Variants in CLSTN1 observed in about 807,000 individuals in gnomAD.
CLSTN1 encodes calsyntenin 1.
In CLSTN1, 28 loss-of-function variants were observed where a neutral mutation model predicts 108.3. That is an observed-to-expected ratio of 0.26 (90% CI 0.19 to 0.35). The LOEUF (loss-of-function observed/expected upper bound fraction) is 0.35. Among genes scored for constraint, CLSTN1 ranks in the 10% least tolerant of loss-of-function variants. The probability of loss-of-function intolerance (pLI) is 1.00; values close to 1 mark genes in which losing one functional copy is unlikely to be tolerated. For missense variants in CLSTN1, 1,157 were observed against 1,302.6 expected (o/e 0.89, Z 1.72); for synonymous variants, 524 against 534.9 (o/e 0.98, Z 0.28).
At chr1:9,781,905 G>A (rs1198031778) in intron 1 of CLSTN1, among the ~76,000 whole-genome samples, 1 of 152,160 alleles carries the variant, frequency 6.6e-6, no homozygotes, top group Non-Finnish European at 1.5e-5. Flanking sequence ...TGTAGTAGTT[G>A]TGACTTGTTG....
rs1557687865 is a variant in CLSTN1 at position 9,731,378 on chromosome 1, G to A, written c.2576C>T (p.Thr859Ile). 2 of 1,614,102 alleles carry A rather than the reference G, an allele frequency of 1.2e-6. No homozygotes were observed. The highest frequency in any genetic ancestry group is 1.7e-6 in the Non-Finnish European group (2 of 1,179,932). ...NPHPFAVVPS[T>I]ATVVIVVCVS... is the part of the protein sequence containing the mutation. The stretch of plus-strand genomic sequence containing the variant: ...GCACACCACGATCACAACTGTCGCA[G>A]TGCTGGGGACGACTGTGGGAGAATG... The change falls in exon 18 of 19, where the codon ACT becomes ATT. Residue 859 changes from threonine to isoleucine, a missense_variant. Transcript: ENST00000377298.
At chr1:9,803,281 T>C (rs1409809381) in intron 1 of CLSTN1, among the ~76,000 whole-genome samples, 2 of 152,072 alleles carry the variant, frequency 1.3e-5, no homozygotes, top group Non-Finnish European at 2.9e-5. Flanking sequence ...TTATGGGATA[T>C]AGTCTAGGCA....
At chr1:9,771,917 T>C (rs1021244756) in intron 2 of CLSTN1, among the ~76,000 whole-genome samples, 2 of 151,958 alleles carry the variant, frequency 1.3e-5, no homozygotes, top group Admixed American at 1.3e-4. Flanking sequence ...ATAGTAAAAT[T>C]AACATATGTT....
At chr1:9,776,592 C>A (rs1360746996) in intron 1 of CLSTN1, among the ~76,000 whole-genome samples, 1 of 152,088 alleles carries the variant, frequency 6.6e-6, no homozygotes, top group African/African-American at 2.4e-5. Flanking sequence ...TGAAAGGTCA[C>A]AAAAGCCAAG....
At position 9,823,096 on chromosome 1, in the gene CLSTN1, C is replaced by T. The variant is rs1655250592; in HGVS notation, c.91+547G>A. 6.6e-6 allele frequency among the ~76,000 whole-genome samples: 1 copy of T among 152,174 alleles called. No individual in the cohort carries two copies. Among genetic ancestry groups the T allele is most frequent in the Non-Finnish European group, 1.5e-5 (1 of 68,032 alleles). ...CGGAAAGGGGCGAAGTCGTGGTGTC[C>T]GCGGTGCAGCAACACAGAATCGGGA... is the stretch of plus-strand genomic sequence containing the variant. On this transcript the variant is annotated intron_variant, in intron 1 of 18. Transcript: ENST00000377298. The surrounding 1 kb of genome is among the most constrained non-coding windows in gnomAD (Gnocchi z 6.3).
At chr1:9,761,763 G>C (rs182833363) in intron 2 of CLSTN1, among the ~76,000 whole-genome samples, 1 of 152,142 alleles carries the variant, frequency 6.6e-6, no homozygotes, top group Non-Finnish European at 1.5e-5. Context: ...AGCTCTCAGG[G>C]GACCCTGCCC....
chr1:9,820,963 G>C (rs1049223715), intron 1 of CLSTN1, among the ~76,000 whole-genome samples: 8 of 152,212 alleles, frequency 5.3e-5, no homozygotes, highest in African/African-American at 1.9e-4. Context: ...TGAATTTTAT[G>C]TATTAAGTGG....
intron 9 of CLSTN1, among the ~76,000 whole-genome samples, chr1:9,743,203 T>C (rs1019199369): frequency 4.6e-5 from 7 of 152,212 alleles, no homozygotes; most frequent in Admixed American, 1.3e-4. Context: ...AATTTTACAG[T>C]GCTCTCTCGT....
At chr1:9,760,647 G>C (rs1455585234) in intron 2 of CLSTN1, among the ~76,000 whole-genome samples, 2 of 148,376 alleles carry the variant, frequency 1.3e-5, no homozygotes, top group South Asian at 2.2e-4. Flanking sequence ...AGCCTCCCGA[G>C]TAGCTCAGAC....
At chr1:9,812,702 C>T (rs1437921353) in intron 1 of CLSTN1, among the ~76,000 whole-genome samples, 5 of 151,768 alleles carry the variant, frequency 3.3e-5, no homozygotes, top group South Asian at 2.1e-4. Flanking sequence ...CAAAATTAGC[C>T]GGGCCAGTTG....
chr1:9,806,994 G>A (rs923604308), intron 1 of CLSTN1, among the ~76,000 whole-genome samples: 1 of 151,766 alleles, frequency 6.6e-6, no homozygotes, highest in African/African-American at 2.4e-5. Context: ...GTGTTTTCTT[G>A]TTCTACAGTA....
intron 1 of CLSTN1, among the ~76,000 whole-genome samples, chr1:9,819,370 G>A (rs1201100041): frequency 2.0e-5 from 3 of 151,918 alleles, no homozygotes; most frequent in African/African-American, 4.8e-5. Flanking sequence ...TAAACATTTA[G>A]ACTTGGTTTA....
chr1:9,795,747 G>C (rs938368568), intron 1 of CLSTN1, among the ~76,000 whole-genome samples: 9 of 151,292 alleles, frequency 5.9e-5, no homozygotes, highest in Non-Finnish European at 1.0e-4. Context: ...TTGAGGCCAG[G>C]AGTTAGAGAC....
At chr1:9,804,897 G>A (rs537724857) in intron 1 of CLSTN1, among the ~76,000 whole-genome samples, 1 of 152,156 alleles carries the variant, frequency 6.6e-6, no homozygotes, top group Admixed American at 6.5e-5. Flanking sequence ...GGCCGAAGCA[G>A]GAGATCACGA....
chr1:9,806,063 G>A (rs1654494013), intron 1 of CLSTN1, among the ~76,000 whole-genome samples: 1 of 152,186 alleles, frequency 6.6e-6, no homozygotes, highest in East Asian at 1.9e-4. Context: ...GCCAAGGCAG[G>A]TGGATCGCTT....
At chr1:9,747,177 A>C (rs1054211272) in intron 7 of CLSTN1, among the ~76,000 whole-genome samples, 1 of 86,486 alleles carries the variant, frequency 1.2e-5, no homozygotes, top group African/African-American at 7.1e-5. Flanking sequence ...AGACTGTCTC[A>C]AAAAAAAAAA....
intron 2 of CLSTN1, among the ~76,000 whole-genome samples, chr1:9,758,439 A>T (rs1212372841): frequency 6.6e-6 from 1 of 151,418 alleles, no homozygotes; most frequent in Non-Finnish European, 1.5e-5. Context: ...TCAGCCTCCC[A>T]AGCAGCTGGG....
At position 9,777,535 on chromosome 1, in the gene CLSTN1, C is replaced by T. The variant is rs193012634; in HGVS notation, c.92-4141G>A. Among the ~76,000 whole-genome samples, 6 of 152,040 alleles carry T rather than the reference C, an allele frequency of 3.9e-5. No homozygotes were observed. The East Asian group carries it at 5.8e-4, about 15-fold the overall frequency. ...GAGACTATGTCTCAAAAAACAACGA[C>T]GACAACAAAAAAGATAATTTTAATA... is the stretch of plus-strand genomic sequence containing the variant. On this transcript the variant is annotated intron_variant, in intron 1 of 18. Coordinates refer to ENST00000377298, the MANE Select transcript of CLSTN1 (RefSeq NM_001009566.3).
At chr1:9,762,413 A>G (rs1188349396) in intron 2 of CLSTN1, among the ~76,000 whole-genome samples, 6 of 151,738 alleles carry the variant, frequency 4.0e-5, no homozygotes, top group African/African-American at 1.5e-4. Flanking sequence ...GTGAGCCGAG[A>G]TCACGCCACT....
Sources: allele counts gnomAD v4.1 joint callset (sites outside exome capture counted in the v4.1 genomes callset), GRCh38; gene constraint gnomAD v4.1.1; non-coding constraint Gnocchi (gnomAD v3.1); transcripts MANE v1.5; gene names NCBI Gene and HGNC (gene_info 2026-07-23, HGNC 2026-07-21).